SMARCA4: variants seen among roughly 807,000 people sequenced by gnomAD.
SMARCA4 encodes SWI/SNF related BAF chromatin remodeling complex subunit ATPase 4.
A neutral mutation model predicts 193.9 loss-of-function variants in SMARCA4; 31 were observed. The observed-to-expected ratio is 0.16, with a 90% CI of 0.12 to 0.22. The LOEUF (loss-of-function observed/expected upper bound fraction) is 0.22. Ranked by LOEUF, SMARCA4 falls within the 10% of genes least tolerant of loss-of-function variation. SMARCA4 has a pLI of 1.00. For missense variants in SMARCA4, 1,148 were observed against 2,296.0 expected (o/e 0.50, Z 10.22); for synonymous variants, 942 against 933.1 (o/e 1.01, Z -0.17).
chr19:10,985,544 A>T lies in SMARCA4; in HGVS notation c.355+139A>T. The T allele has an allele frequency of 6.6e-6, 7 of 1,061,710 alleles. No individual in the cohort carries two copies. The South Asian group carries it at 9.6e-5, about 15-fold the overall frequency. The allele number at this position is 1,061,710 out of a possible 1,614,324, so 65.8% of individuals were successfully genotyped here. A position where few individuals can be genotyped will look rare whatever the true frequency, so the allele number is the denominator to read the frequency against. On this transcript the variant is annotated intron_variant, in intron 3 of 34. Transcript: ENST00000344626. The surrounding 1 kb of genome is among the most constrained non-coding windows in gnomAD (Gnocchi z 4.5). ...GCCGGGTGGGTGGCCCGCCACAGAGAGCTGTCTGGCATGGCGTGGCTGGTG... is the reference window on the plus strand; with the variant it reads ...GCCGGGTGGGTGGCCCGCCACAGAGTGCTGTCTGGCATGGCGTGGCTGGTG...
At position 10,984,278 on chromosome 19, in the gene SMARCA4, A is replaced by T. The variant is rs375812959; in HGVS notation, c.127A>T (p.Met43Leu). The T allele has an allele frequency of 6.2e-6, 10 of 1,610,788 alleles. No individual in the cohort carries two copies. Among genetic ancestry groups the T allele is most frequent in the Non-Finnish European group, 6.8e-6 (8 of 1,178,948 alleles). Residue 43 changes from methionine (M) to leucine (L), a missense_variant, in exon 2 of 35, where the codon ATG becomes TTG. By Grantham distance (15) the Met-to-Leu change is conservative. Transcript: ENST00000344626. The surrounding 1 kb of genome is among the most constrained non-coding windows in gnomAD (Gnocchi z 4.3). ...GPSPGSAHSM[M>L]GPSPGPPSAG... ...CTCGCCGGGCTCCGCCCACAGCATG[A>T]TGGGGCCCAGCCCAGGGCCGCCCTC...
intron 16 of SMARCA4, among the ~76,000 whole-genome samples, chr19:11,013,915 G>GC (rs1568472723): frequency 6.6e-6 from 1 of 151,918 alleles, no homozygotes; most frequent in Non-Finnish European, 1.5e-5. Flanking sequence ...AACAGAGTCC[G>GC]CCCCCCTGCC....
Position 11,035,205 on chromosome 19 carries a change from G to A in SMARCA4, c.4170+73G>A, listed in dbSNP as rs553038231. On this transcript the variant is annotated intron_variant, in intron 29 of 34. Coordinates refer to ENST00000344626, the MANE Select transcript of SMARCA4 (RefSeq NM_003072.5). ...GGGCTGGGGAGACAAAGGGCCCACC[G>A]CCAGGACTCAGGCCTGGGTCCAAAA... The A allele has an allele frequency of 5.0e-4, 699 of 1,402,232 alleles. 4 individuals are homozygous for A. The African/African-American group carries it at 8.1e-3, about 16-fold the overall frequency. The allele number at this position is 1,402,232 out of a possible 1,614,324, so 86.9% of individuals were successfully genotyped here. A position where few individuals can be genotyped will look rare whatever the true frequency, so the allele number is the denominator to read the frequency against.
intron 1 of SMARCA4, among the ~76,000 whole-genome samples, chr19:10,964,374 G>C (rs550080840): frequency 1.3e-5 from 2 of 151,694 alleles, no homozygotes; most frequent in African/African-American, 4.8e-5. Context: ...GCAATGGCAC[G>C]ATCTCGTCTC....
chr19:10,963,971 A>G (rs1428517333), intron 1 of SMARCA4, among the ~76,000 whole-genome samples: 1 of 152,144 alleles, frequency 6.6e-6, no homozygotes, highest in African/African-American at 2.4e-5. Flanking sequence ...CATAGTTAGG[A>G]AAGTAATAAA....
At position 10,990,157 on chromosome 19, in the gene SMARCA4, A is replaced by G. The variant is rs568481283; in HGVS notation, c.1245+714A>G. ...GGCGTGCACCATTACACCTGGCTATATTTTTCTTTTTTTTGAAACAGAGTC... is the reference window on the plus strand; with the variant it reads ...GGCGTGCACCATTACACCTGGCTATGTTTTTCTTTTTTTTGAAACAGAGTC... On this transcript the variant is annotated intron_variant, in intron 7 of 34. Coordinates refer to ENST00000344626, the MANE Select transcript of SMARCA4 (RefSeq NM_003072.5). Among the ~76,000 whole-genome samples the G allele has an allele frequency of 2.0e-5, 3 of 146,858 alleles. No individual in the cohort carries two copies. In the South Asian group the frequency reaches 6.5e-4, roughly 32 times the overall value.
rs1214931836 is a variant in SMARCA4, at chr19:11,061,643, T to C, written c.4912-141T>C. 3.7e-6 allele frequency: 3 copies of C among 821,850 alleles called. No homozygotes were observed. In the Admixed American group the frequency reaches 5.3e-5, roughly 15 times the overall value. The allele number at this position is 821,850 out of a possible 1,614,324, so 50.9% of individuals were successfully genotyped here. A position where few individuals can be genotyped will look rare whatever the true frequency, so the allele number is the denominator to read the frequency against. On this transcript the variant is annotated intron_variant, in intron 34 of 34. Transcript: ENST00000344626. The stretch of plus-strand genomic sequence containing the variant: ...CGCCCGCCTTGGCCTTCCAAAGTGC[T>C]GGGATTACGGGCGTGAGCCACCGTG...
chr19:11,022,340 AG>A (rs1254674850), intron 19 of SMARCA4, among the ~76,000 whole-genome samples: 1 of 152,216 alleles, frequency 6.6e-6, no homozygotes, highest in African/African-American at 2.4e-5. Context: ...ACTCACCCTC[AG>A]GGCAGTGGGA....
intron 24 of SMARCA4, 56 bp downstream of exon 24, chr19:11,028,006 A>G (rs1439008948): frequency 4.4e-6 from 7 of 1,576,448 alleles, no homozygotes; most frequent in South Asian, 4.4e-5. Flanking sequence ...TGGCTGCCAC[A>G]GAAGCTCCTC....
chr19:11,059,648 G>C, intron 32 of SMARCA4, 105 bp from the exon 33 acceptor site: 2 of 1,316,586 alleles, frequency 1.5e-6, no homozygotes, highest in Non-Finnish European at 2.1e-6. Flanking sequence ...CCACTGATCA[G>C]CTGTCCAGGG....
At chr19:11,015,784 A>G (rs1355155509) in intron 16 of SMARCA4, among the ~76,000 whole-genome samples, 1 of 152,050 alleles carries the variant, frequency 6.6e-6, no homozygotes, top group Non-Finnish European at 1.5e-5. Context: ...AGGCAGGCGG[A>G]TCACCTGAGG....
At chr19:10,982,093 C>T (rs2085597696) in intron 1 of SMARCA4, among the ~76,000 whole-genome samples, 1 of 152,114 alleles carries the variant, frequency 6.6e-6, no homozygotes, top group South Asian at 2.1e-4. Context: ...AATCCCAGCA[C>T]TTCGGGAGGC....
chr19:11,061,188 T>TTAAAA (rs1178420558), intron 34 of SMARCA4, among the ~76,000 whole-genome samples: 3 of 68,856 alleles, frequency 4.4e-5, no homozygotes, highest in East Asian at 4.5e-4. Flanking sequence ...ACCCTGTCTT[T>TTAAAA]AAAAAAAAAA....
chr19:10,996,624 C>CT (rs2087081805), intron 11 of SMARCA4, 80 bp downstream of exon 11: 1 of 1,344,310 alleles, frequency 7.4e-7, no homozygotes, highest in Non-Finnish European at 1.1e-6. Context: ...AACCTGTGTT[C>CT]TTTTAAAATT....
intron 25 of SMARCA4, chr19:11,032,279 G>A (rs1258300006): frequency 6.6e-6 from 1 of 152,414 alleles, no homozygotes; most frequent in Non-Finnish European, 1.5e-5. Flanking sequence ...AAGTTTCAGA[G>A]CATCACTGGT....
rs1600278783 is a variant in SMARCA4 at position 11,021,859 on chromosome 19, G to A, written c.2751G>A (p.Lys917=). 6.2e-7 allele frequency: 1 copy of A among 1,613,806 alleles called. No individual in the cohort carries two copies. The highest frequency in any genetic ancestry group is 1.6e-4 in the Middle Eastern group (1 of 6,062). Residue 917 remains lysine, a synonymous_variant, in exon 19 of 35, where the codon AAG becomes AAA. Coordinates refer to ENST00000344626, the MANE Select transcript of SMARCA4 (RefSeq NM_003072.5). ...LLLTGTPLQN[K]LPELWALLNF... is the part of the protein sequence containing the mutation. Reference sequence around the variant, plus strand: ...TGACGGGCACACCGCTGCAGAACAAGCTTCCCGAGCTCTGGGCGCTGCTCA... The same window carrying A: ...TGACGGGCACACCGCTGCAGAACAAACTTCCCGAGCTCTGGGCGCTGCTCA...
intron 11 of SMARCA4, among the ~76,000 whole-genome samples, chr19:11,002,748 C>T (rs931601703): frequency 2.1e-5 from 3 of 145,014 alleles, no homozygotes; most frequent in African/African-American, 5.1e-5. Context: ...AGCCGAGAGC[C>T]GAGATCACGC....
At chr19:10,975,556 A>G (rs1568403805) in intron 1 of SMARCA4, among the ~76,000 whole-genome samples, 1 of 150,886 alleles carries the variant, frequency 6.6e-6, no homozygotes, top group Non-Finnish European at 1.5e-5. Context: ...TGATCCGCCC[A>G]CCTTGGCCTC....
At chr19:11,044,178 G>C (rs2075771696) in intron 30 of SMARCA4, among the ~76,000 whole-genome samples, 1 of 152,080 alleles carries the variant, frequency 6.6e-6, no homozygotes, top group African/African-American at 2.4e-5. Flanking sequence ...GAGAGGATGA[G>C]CCTCGACCAC....
Sources: gnomAD v4.1 joint callset for allele counts (sites outside exome capture counted in the v4.1 genomes callset) on GRCh38, gnomAD v4.1.1 for gene constraint, Gnocchi (gnomAD v3.1) non-coding constraint, MANE v1.5 for transcripts, NCBI Gene and HGNC (gene_info 2026-07-23, HGNC 2026-07-21) for gene names.